The following CALCOCO2 variants were observed in gnomAD, a reference collection of about 807,000 sequenced individuals.
CALCOCO2 encodes calcium-binding and coiled-coil domain-containing protein 2.
In CALCOCO2, 42 loss-of-function variants were observed where a neutral mutation model predicts 62.5. The ratio of observed to expected loss-of-function variants is 0.67; its 90% CI spans 0.53 to 0.87. The LOEUF (loss-of-function observed/expected upper bound fraction) is 0.87, where lower values mean the gene tolerates loss of function less well. CALCOCO2 is among the 40% of genes least tolerant of loss of function. The pLI is 0.00. For synonymous variants in CALCOCO2, 167 were observed against 173.0 expected (o/e 0.97, Z 0.27); for missense variants, 456 against 515.0 (o/e 0.89, Z 1.11).
chr17:48,855,863 C>CAAA (rs11463396), intron 9 of CALCOCO2: 66 of 167,638 alleles, frequency 3.9e-4, no homozygotes, highest in Middle Eastern at 2.1e-3. Flanking sequence ...TCAGCTAAAC[C>CAAA]AAAAAAAAAA....
chr17:48,859,096 AGAT>A (rs1457639709), intron 10 of CALCOCO2, among the ~76,000 whole-genome samples: 1 of 147,032 alleles, frequency 6.8e-6, no homozygotes, highest in Non-Finnish European at 1.5e-5. Flanking sequence ...AGCCCTCTTA[AGAT>A]GATAAGGGAA....
At position 48,852,966 on chromosome 17, in the gene CALCOCO2, T is replaced by G. The variant is rs1351864775; in HGVS notation, c.866T>G (p.Met289Arg). The change falls in exon 9 of 13, where the codon ATG becomes AGG. Residue 289 changes from methionine (M) to arginine (R), a missense_variant. Met to Arg is a moderately conservative substitution (Grantham distance 91, BLOSUM62 -1). Around this residue, in one of 3 missense-constraint regions of CALCOCO2, gnomAD observed 172 missense variants for 210.3 expected, o/e 0.82. Transcript: ENST00000258947. ...QKKLEQTVEQ[M>R]KQNETTAMKK... ...AAGCTCGAGCAGACAGTGGAGCAAATGAAGCAGAATGAAACTACTGCAATG... is the reference window on the plus strand; with the variant it reads ...AAGCTCGAGCAGACAGTGGAGCAAAGGAAGCAGAATGAAACTACTGCAATG... 6 of 1,613,650 alleles carry G rather than the reference T, an allele frequency of 3.7e-6. No homozygotes were observed. The highest frequency in any genetic ancestry group is 8.5e-7 in the Non-Finnish European group (1 of 1,179,766).
chr17:48,850,917 T>TAAA, intron 5 of CALCOCO2, 172 bp from the exon 6 acceptor site: 12 of 358,344 alleles, frequency 3.3e-5, no homozygotes, highest in Non-Finnish European at 6.3e-5. Context: ...GACACTGTCT[T>TAAA]AAAAAAAAAA....
chr17:48,856,215 CCCAA>C, intron 10 of CALCOCO2, 28 bp downstream of exon 10: 2 of 1,321,428 alleles, frequency 1.5e-6, no homozygotes, highest in Non-Finnish European at 2.2e-6. Context: ...GGTATAAAAC[CCCAA>C]GGTTTTAAGG....
Position 48,856,515 on chromosome 17 carries a change from T to C in CALCOCO2, c.1008+328T>C, listed in dbSNP as rs2040216919. 3 of 462,010 alleles carry C rather than the reference T, an allele frequency of 6.5e-6. No homozygotes were observed. The Admixed American group carries it at 7.0e-5, about 11-fold the overall frequency. 28.6% of individuals were successfully genotyped at this position (462,010 alleles called of 1,614,324 possible). A position where few individuals can be genotyped will look rare whatever the true frequency, so the allele number is the denominator to read the frequency against. On this transcript the variant is annotated intron_variant, in intron 10 of 12. Transcript: ENST00000258947. ...AGGGGAATAACGTCCTACATAACTT[T>C]ATGCTAGTGGGGAACTCCTTTTCTT...
chr17:48,860,043 G>A (rs947184787), intron 10 of CALCOCO2, among the ~76,000 whole-genome samples: 2 of 152,150 alleles, frequency 1.3e-5, no homozygotes, highest in African/African-American at 4.8e-5. Flanking sequence ...GCAGTGAGCC[G>A]AGATGGTGCC....
At chr17:48,848,497 G>A (rs3744604) in intron 4 of CALCOCO2, 42 bp downstream of exon 4, 90,180 of 1,577,582 alleles carry the variant, frequency 0.057, 5,286 homozygotes, top group African/African-American at 0.28. Context: ...TGCCATTACG[G>A]GTAGCAATAT....
At chr17:48,862,628 G>A (rs2040344559) in intron 12 of CALCOCO2, among the ~76,000 whole-genome samples, 1 of 152,210 alleles carries the variant, frequency 6.6e-6, no homozygotes, top group Non-Finnish European at 1.5e-5. Context: ...GGCTATTTCA[G>A]CAATATTAGG....
rs767258030 is a variant in CALCOCO2 at position 48,856,075 on chromosome 17, T to G, written c.913-17T>G. 3.6e-5 allele frequency: 51 copies of G among 1,412,044 alleles called. No homozygotes were observed. The Admixed American group carries it at 4.6e-4, about 13-fold the overall frequency. The allele number at this position is 1,412,044 out of a possible 1,614,324, so 87.5% of individuals were successfully genotyped here. Reference sequence around the variant, plus strand: ...GCAATATGTGATCCTAATCCTAATTTTTTTTATTGTTGACAGGATGAAAAC... The same window carrying G: ...GCAATATGTGATCCTAATCCTAATTGTTTTTATTGTTGACAGGATGAAAAC... On this transcript the variant is annotated splice_polypyrimidine_tract_variant and intron_variant, in intron 9 of 12. Transcript: ENST00000258947.
At chr17:48,846,206 G>A (rs1048505245) in intron 2 of CALCOCO2, 13 of 584,426 alleles carry the variant, frequency 2.2e-5, no homozygotes, top group Non-Finnish European at 3.8e-5. Context: ...GTGCAATCTG[G>A]GCTCACTGCA....
intron 10 of CALCOCO2, among the ~76,000 whole-genome samples, chr17:48,858,377 T>C (rs903664160): frequency 2.0e-5 from 3 of 152,080 alleles, no homozygotes; most frequent in Non-Finnish European, 4.4e-5. Context: ...TTATCCAGGC[T>C]GGAGTGCAGT....
intron 9 of CALCOCO2, among the ~76,000 whole-genome samples, chr17:48,855,297 A>G (rs914490269): frequency 6.6e-6 from 1 of 152,178 alleles, no homozygotes; most frequent in Non-Finnish European, 1.5e-5. Context: ...AAGAGCCATC[A>G]GGAGCCAACG....
chr17:48,860,262 T>C, intron 10 of CALCOCO2, 52 bp from the exon 11 acceptor site: 1 of 1,546,214 alleles, frequency 6.5e-7, no homozygotes, highest in Non-Finnish European at 8.9e-7. Context: ...CAGTTCCTGG[T>C]GGCCATTCTT....
chr17:48,851,168 A>G lies in CALCOCO2; in HGVS notation c.623A>G (p.Glu208Gly). 1.9e-6 allele frequency: 3 copies of G among 1,595,136 alleles called. No homozygotes were observed. Among genetic ancestry groups the G allele is most frequent in the Non-Finnish European group, 2.6e-6 (3 of 1,162,854 alleles). ...VKEQKDYWET[E>G]LLQLKEQNQK... ...GAACAGAAGGACTATTGGGAGACAG[A>G]GCTGCTTCAGTGAGTGCATCCCATA... The change falls in exon 6 of 13, where the codon GAG becomes GGG. Residue 208 changes from glutamate to glycine, a missense_variant. Glu to Gly is a moderately conservative substitution (Grantham distance 98). Transcript: ENST00000258947.
rs987910588 is a variant in CALCOCO2, at chr17:48,851,059, C to T, written c.544-30C>T. ...CTCATTCAAAAGTCATAGAACTAGT[C>T]TGTCCCTTTGATGTTGTTTCAATCT... is the stretch of plus-strand genomic sequence containing the variant. On this transcript the variant is annotated intron_variant, in intron 5 of 12. Transcript: ENST00000258947. 5.7e-6 allele frequency: 7 copies of T among 1,225,966 alleles called. No individual in the cohort carries two copies. In the African/African-American group the frequency reaches 8.9e-5, roughly 16 times the overall value. The allele number at this position is 1,225,966 out of a possible 1,614,324, so 75.9% of individuals were successfully genotyped here.
In CALCOCO2 at chr17:48,851,119, A is replaced by G. The variant is rs1166298201; in HGVS notation, c.574A>G (p.Lys192Glu). The change falls in exon 6 of 13, where the codon AAG (lysine) becomes GAG (glutamate). Residue 192 changes from lysine (K) to glutamate (E), a missense_variant. Physicochemically the swap from Lys to Glu is moderately conservative, Grantham distance 56 (BLOSUM62 1). Transcript: ENST00000258947. ...GCTAGAAACCCTACAGAGCATCAAT[A>G]AGAAGTTGGAACTGAAAGTGAAAGA... ...EELETLQSIN[K>E]KLELKVKEQK... 6.2e-7 allele frequency: 1 copy of G among 1,609,380 alleles called. No individual in the cohort carries two copies. Among genetic ancestry groups the G allele is most frequent in the South Asian group, 1.1e-5 (1 of 90,998 alleles).
At chr17:48,849,785 T>A (rs1330005864) in intron 5 of CALCOCO2, among the ~76,000 whole-genome samples, 1 of 152,064 alleles carries the variant, frequency 6.6e-6, no homozygotes, top group Non-Finnish European at 1.5e-5. Context: ...ATTATAGGCA[T>A]GAGCCACCGT....
At chr17:48,834,192 A>T (rs2143561669) in intron 1 of CALCOCO2, among the ~76,000 whole-genome samples, 1 of 150,604 alleles carries the variant, frequency 6.6e-6, no homozygotes, top group East Asian at 2.0e-4. Context: ...AAGAGGATCT[A>T]TGTCCTCATG....
intron 1 of CALCOCO2, among the ~76,000 whole-genome samples, chr17:48,838,243 A>G (rs1421102665): frequency 6.6e-6 from 1 of 151,936 alleles, no homozygotes; most frequent in Non-Finnish European, 1.5e-5. Context: ...CAGGATAGGG[A>G]TTTTCACAGT....
Sources: allele counts gnomAD v4.1 joint callset (sites outside exome capture counted in the v4.1 genomes callset), GRCh38; gene constraint gnomAD v4.1.1; regional missense constraint gnomAD v4.1.1; transcripts MANE v1.5; gene names NCBI Gene and HGNC (gene_info 2026-07-23, HGNC 2026-07-21).